Variants in HTR4 observed in about 807,000 individuals in gnomAD.
The protein encoded by HTR4 is 5-hydroxytryptamine receptor 4, also known as 5-hydroxytryptamine (serotonin) receptor 4, G protein-coupled.
A neutral mutation model predicts 36.8 loss-of-function variants in HTR4; 16 were observed. The ratio of observed to expected loss-of-function variants is 0.43; its 90% CI spans 0.29 to 0.66. HTR4 has a LOEUF of 0.66. Ranked by LOEUF, HTR4 falls within the 30% of genes least tolerant of loss-of-function variation. HTR4 has a pLI of 0.13. For synonymous variants in HTR4, 189 were observed against 185.1 expected, an observed-to-expected ratio of 1.02 and a Z score of -0.17; for missense variants, 438 against 490.9, an observed-to-expected ratio of 0.89 and a Z score of 1.02.
At chr5:148,488,209 C>T (rs1431452163) in intron 6 of HTR4, among the ~76,000 whole-genome samples, 1 of 152,112 alleles carries the variant, frequency 6.6e-6, no homozygotes, top group Non-Finnish European at 1.5e-5. Context: ...CAAGTGTTTC[C>T]CAAACATAGG....
intron 2 of HTR4, among the ~76,000 whole-genome samples, chr5:148,578,596 G>GAAT (rs1561630773): frequency 5.9e-5 from 9 of 152,028 alleles, no homozygotes; most frequent in Non-Finnish European, 1.3e-4. Flanking sequence ...TGAGGCAGAC[G>GAAT]GTATAATCGC....
At position 148,621,058 on chromosome 5, in the gene HTR4, T is replaced by A. The variant is rs571920608; in HGVS notation, c.26+15931A>T. ...AAAATATCCATAAATAGGAAAGGAA[T>A]ATTAGCAGAATCATTGTCACAGTGA... On this transcript the variant is annotated intron_variant, in intron 2 of 6. Coordinates refer to ENST00000377888, the MANE Select transcript of HTR4 (RefSeq NM_000870.7). Among the ~76,000 whole-genome samples, 33 of 152,352 alleles carry A rather than the reference T, an allele frequency of 2.2e-4. No individual in the cohort carries two copies. In the South Asian group the frequency reaches 6.6e-3, roughly 31 times the overall value.
At chr5:148,497,316 G>A (rs1022567809) in intron 6 of HTR4, among the ~76,000 whole-genome samples, 1 of 152,116 alleles carries the variant, frequency 6.6e-6, no homozygotes, top group African/African-American at 2.4e-5. Context: ...GAAAGTCACT[G>A]AGGATTGAGT....
intron 5 of HTR4, among the ~76,000 whole-genome samples, chr5:148,453,835 G>T (rs1029918933): frequency 1.3e-5 from 2 of 152,114 alleles, no homozygotes. Context: ...GGTAAGGTGT[G>T]GACAGTGAGA....
At chr5:148,521,822 G>C (rs577077381) in intron 5 of HTR4, among the ~76,000 whole-genome samples, 6 of 152,156 alleles carry the variant, frequency 3.9e-5, no homozygotes, top group Admixed American at 2.6e-4. Flanking sequence ...TCAGAGCTGG[G>C]CTCAGGGCTT....
intron 6 of HTR4, among the ~76,000 whole-genome samples, chr5:148,491,083 G>C (rs752730523): frequency 1.3e-5 from 2 of 152,114 alleles, no homozygotes; most frequent in African/African-American, 2.4e-5. Context: ...ATTTACATGG[G>C]AATATGGTTT....
intron 2 of HTR4, among the ~76,000 whole-genome samples, chr5:148,559,954 A>G (rs2113864707): frequency 6.6e-6 from 1 of 152,188 alleles, no homozygotes; most frequent in East Asian, 1.9e-4. Context: ...CTCTTGCTTT[A>G]TCATGCTCTG....
rs779364954 is a variant in HTR4, at chr5:148,509,700, T to A, written c.832A>T (p.Thr278Ser). The A allele has an allele frequency of 1.2e-6, 2 of 1,613,996 alleles. No homozygotes were observed. The highest frequency in any genetic ancestry group is 2.7e-5 in the African/African-American group (2 of 75,006). Reference sequence around the variant, plus strand: ...TCTATGAAAGGATCCACAATATTGGTGACAAAGAATGGTGCCCAGCAGAGG... The same window carrying A: ...TCTATGAAAGGATCCACAATATTGGAGACAAAGAATGGTGCCCAGCAGAGG... ...FCLCWAPFFVTNIVDPFIDYT... is the reference protein window; with the variant it reads ...FCLCWAPFFVSNIVDPFIDYT... Residue 278 changes from threonine to serine, a missense_variant, in exon 6 of 7, where the codon ACC (threonine) becomes TCC (serine). Thr to Ser is a moderately conservative substitution (Grantham distance 58). Coordinates refer to ENST00000377888, the MANE Select transcript of HTR4 (RefSeq NM_000870.7).
intron 5 of HTR4, among the ~76,000 whole-genome samples, chr5:148,469,354 T>C (rs1216356350): frequency 3.3e-5 from 5 of 152,216 alleles, no homozygotes; most frequent in Admixed American, 3.3e-4. Context: ...CTTAACTTTG[T>C]TTAAACATCA....
chr5:148,550,005 A>T lies in HTR4; in HGVS notation c.152+132T>A. The T allele has an allele frequency of 6.5e-6, 6 of 916,614 alleles. No homozygotes were observed. The Admixed American group carries it at 8.5e-5, about 13-fold the overall frequency. The allele number at this position is 916,614 out of a possible 1,614,324, so 56.8% of individuals were successfully genotyped here. A position where few individuals can be genotyped will look rare whatever the true frequency, so the allele number is the denominator to read the frequency against. ...TTGCAATCCCTTTTTCTCCCCTTTT[A>T]TTTTTAAAATGTTGTTCCCATGAAT... On this transcript the variant is annotated intron_variant, in intron 3 of 6. Coordinates refer to ENST00000377888, the MANE Select transcript of HTR4 (RefSeq NM_000870.7).
intron 5 of HTR4, among the ~76,000 whole-genome samples, chr5:148,520,096 T>C (rs1331981051): frequency 3.3e-5 from 5 of 152,188 alleles, no homozygotes; most frequent in African/African-American, 9.7e-5. Flanking sequence ...AACCTAATCC[T>C]GTGTTTTCCC....
At chr5:148,512,575 A>G (rs1449471829) in intron 5 of HTR4, among the ~76,000 whole-genome samples, 2 of 152,304 alleles carry the variant, frequency 1.3e-5, no homozygotes, top group Middle Eastern at 3.4e-3. Flanking sequence ...GAAGCTCTGA[A>G]AGAACCTATA....
intron 6 of HTR4, among the ~76,000 whole-genome samples, chr5:148,496,982 T>C (rs759264181): frequency 6.6e-6 from 1 of 152,318 alleles, no homozygotes; most frequent in Non-Finnish European, 1.5e-5. Flanking sequence ...AAACCTGGAG[T>C]TCTGATGGGC....
chr5:148,488,062 A>T (rs889594701), intron 6 of HTR4, among the ~76,000 whole-genome samples: 40 of 152,298 alleles, frequency 2.6e-4, no homozygotes, highest in Non-Finnish European at 5.6e-4. Flanking sequence ...TTGTTAGCTG[A>T]TAAAAACCGA....
chr5:148,474,418 G>A (rs1561565755), downstream of HTR4, among the ~76,000 whole-genome samples: 2 of 152,104 alleles, frequency 1.3e-5, no homozygotes. Flanking sequence ...CTATTGACAG[G>A]AAGGCCATAT....
chr5:148,457,102 C>T (rs1025766220), intron 5 of HTR4, among the ~76,000 whole-genome samples: 14 of 149,892 alleles, frequency 9.3e-5, no homozygotes, highest in African/African-American at 2.5e-5. Context: ...CCTAGCCTGG[C>T]ATTATCTGTA....
Position 148,465,704 on chromosome 5 carries a change from G to A in HTR4, c.1077-14432C>T, listed in dbSNP as rs1412222891. 1.4e-5 allele frequency: 14 copies of A among 968,434 alleles called. No homozygotes were observed. The East Asian group carries it at 4.1e-4, about 29-fold the overall frequency. 60.0% of individuals were successfully genotyped at this position (968,434 alleles called of 1,614,324 possible). On this transcript the variant is annotated intron_variant, in intron 5 of 5. Coordinates refer to the HTR4 transcript ENST00000521530. ...TAAACCACTGAAACTATATTAATATGGGCTCTGCAGTTCTGTGCCAACAAT... is the reference window on the plus strand; with the variant it reads ...TAAACCACTGAAACTATATTAATATAGGCTCTGCAGTTCTGTGCCAACAAT...
In HTR4 at chr5:148,538,106, A is replaced by G. The variant is rs148775334; in HGVS notation, c.353+10562T>C. On this transcript the variant is annotated intron_variant, in intron 4 of 6. Coordinates refer to ENST00000377888, the MANE Select transcript of HTR4 (RefSeq NM_000870.7). Reference sequence around the variant, plus strand: ...CAAACCAACAAATGTGATTCATCACATAAACAGAACTAAAGACAAAAACCA... The same window carrying G: ...CAAACCAACAAATGTGATTCATCACGTAAACAGAACTAAAGACAAAAACCA... Among the ~76,000 whole-genome samples the G allele has an allele frequency of 1.1e-4, 17 of 152,320 alleles. No individual in the cohort carries two copies. In the East Asian group the frequency reaches 3.3e-3, roughly 29 times the overall value.
intron 6 of HTR4, among the ~76,000 whole-genome samples, chr5:148,507,689 T>C (rs1224238705): frequency 6.6e-6 from 1 of 152,054 alleles, no homozygotes; most frequent in Non-Finnish European, 1.5e-5. Flanking sequence ...CGCAGCAGGA[T>C]TTTAACAATA....
Sources: allele counts gnomAD v4.1 joint callset (sites outside exome capture counted in the v4.1 genomes callset), GRCh38; gene constraint gnomAD v4.1.1; transcripts MANE v1.5; gene names NCBI Gene and HGNC (gene_info 2026-07-23, HGNC 2026-07-21).